Variants in LRRK2 observed in about 807,000 individuals in gnomAD.
LRRK2 encodes leucine rich repeat kinase 2.
Under a neutral mutation model 302.6 loss-of-function variants are expected in LRRK2, and 203 were observed. The ratio of observed to expected loss-of-function variants is 0.67; its 90% CI spans 0.60 to 0.75. The LOEUF (loss-of-function observed/expected upper bound fraction) is 0.75. Ranked by LOEUF, LRRK2 falls within the 30% of genes least tolerant of loss-of-function variation. The pLI is 0.00. For missense variants in LRRK2, 2,830 were observed against 2,951.0 expected (o/e 0.96, Z 0.95); for synonymous variants, 1,066 against 1,031.9 (o/e 1.03, Z -0.63).
chr12:40,294,918 A>C lies in LRRK2; in HGVS notation c.2878+4A>C. ...TTATCTTCAGATGATTCACTCAGTAAGTATTTGGATGTAATCATAAGTAAA... is the reference window on the plus strand; with the variant it reads ...TTATCTTCAGATGATTCACTCAGTACGTATTTGGATGTAATCATAAGTAAA... On this transcript the variant is annotated splice_donor_region_variant and intron_variant, in intron 22 of 50. Transcript: ENST00000298910. 1 of 1,487,274 alleles carries C rather than the reference A, an allele frequency of 6.7e-7. No homozygotes were observed. The highest frequency in any genetic ancestry group is 9.3e-7 in the Non-Finnish European group (1 of 1,069,734). The allele number at this position is 1,487,274 out of a possible 1,614,324, so 92.1% of individuals were successfully genotyped here. A position where few individuals can be genotyped will look rare whatever the true frequency, so the allele number is the denominator to read the frequency against.
At position 40,277,895 on chromosome 12, in the gene LRRK2, A is replaced by G; in HGVS notation, c.1949A>G (p.Gln650Arg). ...TTTTTCTTATACTTTTAGGGATTTC[A>G]GACAATCTTAGCAATCCTCAAATTG... ...DVAEIQTKGFQTILAILKLSA... is the reference protein window; with the variant it reads ...DVAEIQTKGFRTILAILKLSA... The change falls in exon 17 of 51, where the codon CAG becomes CGG. Residue 650 changes from glutamine to arginine, a missense_variant. Gln to Arg is a conservative substitution (Grantham distance 43, BLOSUM62 1). This residue lies in a region of LRRK2 where 2,121 missense variants were observed against 2,148.0 expected (regional missense o/e 0.99). Coordinates refer to ENST00000298910, the MANE Select transcript of LRRK2 (RefSeq NM_198578.4). 1 of 1,607,424 alleles carries G rather than the reference A, an allele frequency of 6.2e-7. No homozygotes were observed. The highest frequency in any genetic ancestry group is 8.5e-7 in the Non-Finnish European group (1 of 1,177,824).
intron 27 of LRRK2, 35 bp from the exon 28 acceptor site, chr12:40,305,750 C>T: frequency 6.2e-7 from 1 of 1,600,282 alleles, no homozygotes; most frequent in Non-Finnish European, 8.6e-7. Context: ...TCTTCCTTCC[C>T]ACCAACAGGT....
chr12:40,346,899 T>A lies in LRRK2; in HGVS notation c.6256T>A (p.Leu2086Ile), dbSNP rs1238159524. The A allele has an allele frequency of 1.2e-6, 2 of 1,611,900 alleles. No individual in the cohort carries two copies. The highest frequency in any genetic ancestry group is 3.4e-5 in the Admixed American group (2 of 59,630). The change falls in exon 42 of 51, where the codon TTA (leucine) becomes ATA (isoleucine). Residue 2086 changes from leucine (L) to isoleucine (I), a missense_variant. Transcript: ENST00000298910. ...GAAGTTTCCAAATGAGTTTGATGAA[T>A]TAGAAATACAAGGAAAATTACCTGG... ...GLKFPNEFDE[L>I]EIQGKLPDPV... is the part of the protein sequence containing the mutation.
At chr12:40,318,391 G>A (rs1427264) in intron 33 of LRRK2, among the ~76,000 whole-genome samples, 86,069 of 151,788 alleles carry the variant, frequency 0.57, 24,533 homozygotes, top group South Asian at 0.69. Flanking sequence ...TAGTAAAATA[G>A]ATTAGAATAA....
intron 20 of LRRK2, 40 bp downstream of exon 20, chr12:40,287,579 A>C: frequency 6.3e-7 from 1 of 1,588,102 alleles, no homozygotes; most frequent in African/African-American, 1.3e-5. Flanking sequence ...CTTTATATTT[A>C]CACACTGACA....
intron 39 of LRRK2, among the ~76,000 whole-genome samples, chr12:40,329,664 C>T (rs1840842384): frequency 6.6e-6 from 1 of 151,990 alleles, no homozygotes; most frequent in Non-Finnish European, 1.5e-5. Flanking sequence ...AATGGATTCT[C>T]TATTGTTATG....
chr12:40,358,092 C>CTT (rs76454537), intron 46 of LRRK2, among the ~76,000 whole-genome samples: 10 of 145,926 alleles, frequency 6.9e-5, no homozygotes, highest in African/African-American at 7.5e-5. Context: ...AAATGGAGTT[C>CTT]TTTTTTTTTT....
At chr12:40,290,836 CTTATTT>C (rs573641408) in intron 20 of LRRK2, among the ~76,000 whole-genome samples, 48 of 151,964 alleles carry the variant, frequency 3.2e-4, no homozygotes, top group African/African-American at 1.1e-3. Flanking sequence ...CTTTTCCTTA[CTTATTT>C]TTATTTTAAT....
rs71078229 is a variant in LRRK2, at chr12:40,229,955, C to CTTT, written c.238-2293_238-2291dup. Among the ~76,000 whole-genome samples the CTTT allele has an allele frequency of 5.8e-3, 542 of 92,842 alleles. 35 individuals carry two copies. The highest frequency in any genetic ancestry group is 0.054 in the East Asian group (111 of 2,070). The allele number at this position is 92,842 out of a possible 152,430, so 60.9% of individuals were successfully genotyped here. On this transcript the variant is annotated intron_variant, in intron 2 of 50. Transcript: ENST00000298910. ...GAGATGAGTTTGGCATCCTATGTGACTTTTTTTTTTTTTTTTTTTTTTTTT... is the reference window on the plus strand; with the variant it reads ...GAGATGAGTTTGGCATCCTATGTGACTTTTTTTTTTTTTTTTTTTTTTTTTTTT...
intron 39 of LRRK2, 140 bp from the exon 40 acceptor site, chr12:40,334,827 T>G: frequency 2.0e-6 from 2 of 987,362 alleles, no homozygotes; most frequent in Non-Finnish European, 3.1e-6. Context: ...GAAAAAAAAC[T>G]CAGAGAAGAA....
chr12:40,276,552 T>A (rs1240209340), intron 16 of LRRK2, among the ~76,000 whole-genome samples: 4 of 152,192 alleles, frequency 2.6e-5, no homozygotes, highest in African/African-American at 9.7e-5. Flanking sequence ...CACCTCGGAC[T>A]CCCAAAGTGT....
At chr12:40,346,084 C>T (rs1187846435) in intron 41 of LRRK2, among the ~76,000 whole-genome samples, 1 of 152,036 alleles carries the variant, frequency 6.6e-6, no homozygotes, top group Non-Finnish European at 1.5e-5. Context: ...ATGTTGAAAT[C>T]ACTCTTTTTT....
intron 41 of LRRK2, among the ~76,000 whole-genome samples, chr12:40,343,003 A>G (rs1227350409): frequency 6.6e-6 from 1 of 152,162 alleles, no homozygotes; most frequent in Non-Finnish European, 1.5e-5. Flanking sequence ...TAGTCTATAG[A>G]TACAGAGACT....
chr12:40,298,402 A>C lies in LRRK2; in HGVS notation c.3256A>C (p.Lys1086Gln). The change falls in exon 24 of 51, where the codon AAA becomes CAA. Residue 1086 changes from lysine to glutamine, a missense_variant. Lys to Gln is a moderately conservative substitution (Grantham distance 53). Around this residue, in one of 3 missense-constraint regions of LRRK2, gnomAD observed 2,121 missense variants for 2,148.0 expected, o/e 0.99. Coordinates refer to ENST00000298910, the MANE Select transcript of LRRK2 (RefSeq NM_198578.4). ...TCCTACAGTGAAATGTCCAACTCTG[A>C]AACAGTTTAACCTGTCATATAACCA... ...LDPTVKCPTL[K>Q]QFNLSYNQLS... The C allele has an allele frequency of 6.2e-7, 1 of 1,613,952 alleles. No homozygotes were observed.
intron 45 of LRRK2, among the ~76,000 whole-genome samples, chr12:40,355,314 C>T (rs1009484065): frequency 6.6e-6 from 1 of 152,100 alleles, no homozygotes; most frequent in Non-Finnish European, 1.5e-5. Context: ...CTGAACTAAA[C>T]TCCACTGAAA....
At chr12:40,321,524 C>T (rs1247157150) in intron 35 of LRRK2, among the ~76,000 whole-genome samples, 2 of 151,896 alleles carry the variant, frequency 1.3e-5, no homozygotes, top group Non-Finnish European at 2.9e-5. Flanking sequence ...AAGAGCAAAT[C>T]CGGTGTTTAT....
rs552246734 is a variant in LRRK2 at position 40,301,214 on chromosome 12, A to G, written c.3497-1575A>G. Reference sequence around the variant, plus strand: ...GAGGTGACATCTGAGCAGGACCACTAACCATTAAAAAATAATCCCATGTAA... The same window carrying G: ...GAGGTGACATCTGAGCAGGACCACTGACCATTAAAAAATAATCCCATGTAA... On this transcript the variant is annotated intron_variant, in intron 25 of 50. Transcript: ENST00000298910. The G allele has an allele frequency of 3.9e-4, 163 of 414,892 alleles. 1 individual carries two copies. Among genetic ancestry groups the G allele is most frequent in the South Asian group, 2.8e-3 (161 of 58,422 alleles). The allele number at this position is 414,892 out of a possible 1,614,324, so 25.7% of individuals were successfully genotyped here. A position where few individuals can be genotyped will look rare whatever the true frequency, so the allele number is the denominator to read the frequency against.
intron 14 of LRRK2, among the ~76,000 whole-genome samples, chr12:40,269,774 G>C (rs1379208639): frequency 6.6e-6 from 1 of 152,050 alleles, no homozygotes; most frequent in Non-Finnish European, 1.5e-5. Flanking sequence ...TATTTCCCAG[G>C]TATTCGTTTT....
chr12:40,237,947 C>T (rs1212476565), intron 4 of LRRK2, 22 bp from the exon 5 acceptor site: 2 of 1,601,998 alleles, frequency 1.2e-6, no homozygotes, highest in Admixed American at 3.3e-5. Context: ...TTACTCAGAG[C>T]ATATTATTCT....
Sources: gnomAD v4.1 joint callset for allele counts (sites outside exome capture counted in the v4.1 genomes callset) on GRCh38, gnomAD v4.1.1 for gene constraint, gnomAD v4.1.1 regional missense constraint, MANE v1.5 for transcripts, NCBI Gene and HGNC (gene_info 2026-07-23, HGNC 2026-07-21) for gene names.